The following SLC39A11 variants were observed in gnomAD, a reference collection of about 807,000 sequenced individuals.
SLC39A11 encodes solute carrier family 39 member 11, also known as zinc transporter ZIP11.
In SLC39A11, 33 loss-of-function variants were observed where a neutral mutation model predicts 36.1. The observed-to-expected ratio is 0.91, with a 90% CI of 0.69 to 1.22. The LOEUF (loss-of-function observed/expected upper bound fraction) is 1.22. Among genes scored for constraint, SLC39A11 ranks in the 50% most tolerant of loss-of-function variants. The probability of loss-of-function intolerance (pLI) is 0.00; values close to 1 mark genes in which losing one functional copy is unlikely to be tolerated. For missense variants in SLC39A11, 432 were observed against 430.3 expected (o/e 1.00, Z -0.03); for synonymous variants, 166 against 170.3 (o/e 0.97, Z 0.20).
chr17:72,757,081 G>C (rs563819411), intron 6 of SLC39A11, among the ~76,000 whole-genome samples: 1 of 151,656 alleles, frequency 6.6e-6, no homozygotes, highest in South Asian at 2.1e-4. Flanking sequence ...CAGGAGAATC[G>C]CTTGAAACCA....
chr17:72,997,192 C>T (rs2089569836), intron 4 of SLC39A11, among the ~76,000 whole-genome samples: 1 of 152,110 alleles, frequency 6.6e-6, no homozygotes, highest in African/African-American at 2.4e-5. Flanking sequence ...CGAATGCATA[C>T]ACTTTGTGCC....
intron 6 of SLC39A11, among the ~76,000 whole-genome samples, chr17:72,760,846 C>T (rs1598612468): frequency 6.6e-6 from 1 of 152,156 alleles, no homozygotes; most frequent in South Asian, 2.1e-4. Flanking sequence ...ATCTGCCTTC[C>T]AGCCACCCCA....
chr17:72,693,987 C>A (rs1429594013), intron 7 of SLC39A11, among the ~76,000 whole-genome samples: 3 of 152,108 alleles, frequency 2.0e-5, no homozygotes, highest in African/African-American at 7.2e-5. Context: ...AAAAAGCACC[C>A]ACCTCCCTGC....
At chr17:73,010,575 A>G (rs1003585947) in intron 4 of SLC39A11, among the ~76,000 whole-genome samples, 2 of 152,154 alleles carry the variant, frequency 1.3e-5, no homozygotes, top group South Asian at 2.1e-4. Flanking sequence ...CTAGATGTTA[A>G]TATTTTTTCT....
At chr17:72,747,573 C>T (rs2074992016) in intron 6 of SLC39A11, among the ~76,000 whole-genome samples, 1 of 152,226 alleles carries the variant, frequency 6.6e-6, no homozygotes, top group Non-Finnish European at 1.5e-5. Flanking sequence ...GCAGGGATTT[C>T]CTGGCCACAG....
chr17:72,925,367 T>C (rs2083982351), intron 5 of SLC39A11, among the ~76,000 whole-genome samples: 1 of 152,204 alleles, frequency 6.6e-6, no homozygotes, highest in Non-Finnish European at 1.5e-5. Flanking sequence ...TTATGTCGTA[T>C]ATAAATATAC....
intron 7 of SLC39A11, among the ~76,000 whole-genome samples, chr17:72,693,452 G>C (rs1256578063): frequency 2.0e-5 from 3 of 152,216 alleles, no homozygotes; most frequent in African/African-American, 7.2e-5. Context: ...GGGTAGGGCT[G>C]GGCCAGGAGA....
intron 7 of SLC39A11, among the ~76,000 whole-genome samples, chr17:72,716,385 T>C (rs1471432414): frequency 6.6e-6 from 1 of 151,988 alleles, no homozygotes; most frequent in East Asian, 1.9e-4. Flanking sequence ...TCTGTCTCTA[T>C]GACTGAGCTG....
intron 5 of SLC39A11, among the ~76,000 whole-genome samples, chr17:72,867,479 G>A (rs534579300): frequency 6.6e-6 from 1 of 152,222 alleles, no homozygotes; most frequent in South Asian, 2.1e-4. Context: ...CAGCCTGGGC[G>A]ACTGCGTGAG....
At chr17:72,771,934 G>C (rs2075962612) in intron 6 of SLC39A11, among the ~76,000 whole-genome samples, 1 of 152,116 alleles carries the variant, frequency 6.6e-6, no homozygotes, top group African/African-American at 2.4e-5. Flanking sequence ...TCTCCAAGAG[G>C]GGAGCCTCTT....
intron 3 of SLC39A11, among the ~76,000 whole-genome samples, chr17:73,056,867 C>A (rs1385725990): frequency 6.6e-6 from 1 of 152,162 alleles, no homozygotes; most frequent in Non-Finnish European, 1.5e-5. Context: ...CTTACAGTGG[C>A]CACAGTGGGG....
intron 6 of SLC39A11, among the ~76,000 whole-genome samples, chr17:72,798,265 G>A (rs373644243): frequency 1.5e-4 from 22 of 150,120 alleles, no homozygotes; most frequent in South Asian, 8.6e-4. Context: ...TGTGTAGAGC[G>A]GTTCTGGAGG....
intron 5 of SLC39A11, among the ~76,000 whole-genome samples, chr17:72,917,877 C>A (rs1197046106): frequency 6.6e-6 from 1 of 152,186 alleles, no homozygotes; most frequent in Non-Finnish European, 1.5e-5. Flanking sequence ...CTGTGACCAC[C>A]AGCTACCTAC....
At chr17:72,860,849 G>C (rs970731787) in intron 5 of SLC39A11, among the ~76,000 whole-genome samples, 5 of 152,102 alleles carry the variant, frequency 3.3e-5, no homozygotes, top group African/African-American at 1.2e-4. Context: ...ACCATTTCCT[G>C]GTTATGCATC....
chr17:72,675,100 G>A (rs566621585), intron 7 of SLC39A11, among the ~76,000 whole-genome samples: 7 of 152,222 alleles, frequency 4.6e-5, no homozygotes, highest in African/African-American at 1.7e-4. Context: ...GTTGTCAACA[G>A]GCTACTATGT....
chr17:72,802,452 C>T (rs569483847), intron 6 of SLC39A11, among the ~76,000 whole-genome samples: 44 of 151,680 alleles, frequency 2.9e-4, no homozygotes, highest in African/African-American at 7.0e-4. Flanking sequence ...TAGCTGGGCA[C>T]GGTGGCGGGC....
chr17:72,712,446 C>T (rs2073144501), intron 7 of SLC39A11, among the ~76,000 whole-genome samples: 1 of 152,108 alleles, frequency 6.6e-6, no homozygotes, highest in African/African-American at 2.4e-5. Flanking sequence ...TTTTTGAAAG[C>T]TTCTACTGAG....
At chr17:72,698,414 A>G (rs1055252212) in intron 7 of SLC39A11, among the ~76,000 whole-genome samples, 1 of 145,100 alleles carries the variant, frequency 6.9e-6, no homozygotes, top group Non-Finnish European at 1.5e-5. Context: ...TTATTATGGT[A>G]TTCTCCTATT....
intron 6 of SLC39A11, among the ~76,000 whole-genome samples, chr17:72,766,145 G>C (rs1485944182): frequency 1.3e-5 from 2 of 152,164 alleles, no homozygotes; most frequent in Non-Finnish European, 2.9e-5. Flanking sequence ...CTCTAGACCA[G>C]GGAGGGTGAG....
Sources: gnomAD v4.1 joint callset for allele counts (sites outside exome capture counted in the v4.1 genomes callset) on GRCh38, gnomAD v4.1.1 for gene constraint, MANE v1.5 for transcripts, NCBI Gene and HGNC (gene_info 2026-07-23, HGNC 2026-07-21) for gene names.